Variants in NLGN4X observed in about 807,000 individuals in gnomAD.
NLGN4X encodes neuroligin-4, X-linked.
NLGN4X carries 3 observed loss-of-function variants against 40.3 expected under a neutral mutation model. The ratio of observed to expected loss-of-function variants is 0.07; its 90% confidence interval spans 0.03 to 0.19. The LOEUF is 0.19. Among genes scored for constraint, NLGN4X ranks in the 10% least tolerant of loss-of-function variants. The pLI, the probability that NLGN4X is intolerant of heterozygous loss-of-function variation, is 1.00. For synonymous variants in NLGN4X, 270 were observed against 306.8 expected, an observed-to-expected ratio of 0.88 and a Z score of 1.25; for missense variants, 382 against 708.3, an observed-to-expected ratio of 0.54 and a Z score of 5.23.
chrX:6,044,950 C>A (rs1265639516), intron 2 of NLGN4X, among the ~76,000 whole-genome samples: 2 of 112,183 alleles, frequency 1.8e-5, no homozygotes, highest in African/African-American at 6.5e-5. Context: ...GATGCAGTTT[C>A]TTTATTACAG....
intron 2 of NLGN4X, among the ~76,000 whole-genome samples, chrX:6,118,682 C>T (rs936333401): frequency 4.5e-5 from 5 of 111,746 alleles, no homozygotes; most frequent in African/African-American, 1.6e-4. Flanking sequence ...GCTCATTCTC[C>T]AACCAGAACT....
At chrX:6,087,540 A>T (rs906522095) in intron 2 of NLGN4X, among the ~76,000 whole-genome samples, 1 of 112,026 alleles carries the variant, frequency 8.9e-6, no homozygotes, top group African/African-American at 3.2e-5. Flanking sequence ...TGATGAGAAA[A>T]ATTTCAGTTG....
chrX:6,126,410 T>C (rs1463820478), intron 2 of NLGN4X, among the ~76,000 whole-genome samples: 2 of 111,162 alleles, frequency 1.8e-5, no homozygotes, highest in East Asian at 5.6e-4. Context: ...AGAGAGAAAA[T>C]GGTCATTATT....
intron 2 of NLGN4X, among the ~76,000 whole-genome samples, chrX:6,030,918 G>A (rs376083158): frequency 1.3e-4 from 14 of 111,549 alleles, no homozygotes; most frequent in East Asian, 1.1e-3. Context: ...CATTACCAGC[G>A]GTTGCCTAGT....
chrX:6,162,686 T>C (rs1295586018), intron 1 of NLGN4X, among the ~76,000 whole-genome samples: 3 of 111,468 alleles, frequency 2.7e-5, no homozygotes, highest in Non-Finnish European at 3.8e-5. Flanking sequence ...GTCCTATTAG[T>C]TCTGTTCCTC....
Position 6,228,546 on chromosome X carries a change from C to G in NLGN4X, c.-311G>C, listed in dbSNP as rs991139906. ...GGTCTTAAAACTGCACCTACCTTAGCTTTGGAAGAGCTGCATCGGCCGTTA... is the reference window on the plus strand; with the variant it reads ...GGTCTTAAAACTGCACCTACCTTAGGTTTGGAAGAGCTGCATCGGCCGTTA... On this transcript the variant is annotated 5_prime_UTR_variant, in exon 1 of 6. Coordinates refer to ENST00000381095, the MANE Select transcript of NLGN4X (RefSeq NM_181332.3). The G allele has an allele frequency of 3.6e-5, 4 of 111,648 alleles. No homozygotes were observed. The highest frequency in any genetic ancestry group is 7.5e-5 in the Non-Finnish European group (4 of 53,197). The allele number at this position is 111,648 out of a possible 1,213,427, so 9.2% of individuals were successfully genotyped here.
intron 3 of NLGN4X, among the ~76,000 whole-genome samples, chrX:5,972,762 G>A (rs2035062465): frequency 1.0e-5 from 1 of 99,419 alleles, no homozygotes; most frequent in South Asian, 5.6e-4. Flanking sequence ...GGTGGGGGGC[G>A]GGGGCGGGGT....
At chrX:6,146,229 A>G (rs749571438) in intron 2 of NLGN4X, among the ~76,000 whole-genome samples, 1 of 112,434 alleles carries the variant, frequency 8.9e-6, no homozygotes, top group South Asian at 3.7e-4. Context: ...TAGTAACAAC[A>G]GCAACGATTG....
chrX:5,984,630 A>G (rs1422106631), intron 3 of NLGN4X, among the ~76,000 whole-genome samples: 1 of 112,221 alleles, frequency 8.9e-6, no homozygotes, highest in East Asian at 2.8e-4. Flanking sequence ...GGATATAGAC[A>G]AACTATCTGC....
chrX:5,977,392 T>C (rs1424777839), intron 3 of NLGN4X, among the ~76,000 whole-genome samples: 1 of 109,630 alleles, frequency 9.1e-6, no homozygotes, highest in Non-Finnish European at 1.9e-5. Context: ...GGCTAATTTT[T>C]CATTTTTTTT....
At chrX:6,122,602 A>C (rs1245778086) in intron 2 of NLGN4X, among the ~76,000 whole-genome samples, 2 of 110,238 alleles carry the variant, frequency 1.8e-5, no homozygotes, top group Non-Finnish European at 3.8e-5. Flanking sequence ...CCTCAAGAAA[A>C]TAAAAGAACT....
intron 2 of NLGN4X, among the ~76,000 whole-genome samples, chrX:6,031,708 T>C (rs1267728573): frequency 9.1e-6 from 1 of 109,774 alleles, no homozygotes; most frequent in Non-Finnish European, 1.9e-5. Context: ...ATGGGAAAAA[T>C]GTGCTTTTAG....
At chrX:6,175,144 T>C (rs1266308119) in intron 1 of NLGN4X, among the ~76,000 whole-genome samples, 1 of 111,647 alleles carries the variant, frequency 9.0e-6, no homozygotes, top group African/African-American at 3.3e-5. Flanking sequence ...AACCTGGATA[T>C]AGAGAAACAC....
chrX:5,900,765 C>T (rs1268015811), intron 5 of NLGN4X, among the ~76,000 whole-genome samples: 3 of 107,350 alleles, frequency 2.8e-5, no homozygotes, highest in Non-Finnish European at 5.8e-5. Context: ...TTTGTAGAGA[C>T]GGACTCTCAC....
chrX:6,135,016 G>C (rs2039781111), intron 2 of NLGN4X, among the ~76,000 whole-genome samples: 1 of 112,626 alleles, frequency 8.9e-6, no homozygotes, highest in Non-Finnish European at 1.9e-5. Flanking sequence ...CCCCAAATTG[G>C]CTTATCCTTC....
At chrX:6,088,148 T>C (rs2038543655) in intron 2 of NLGN4X, among the ~76,000 whole-genome samples, 1 of 112,647 alleles carries the variant, frequency 8.9e-6, no homozygotes, top group Admixed American at 9.4e-5. Flanking sequence ...TGGCCAAAAA[T>C]GTCAACGAAA....
intron 1 of NLGN4X, among the ~76,000 whole-genome samples, chrX:6,185,317 T>C (rs1039789644): frequency 3.6e-5 from 4 of 111,802 alleles, no homozygotes; most frequent in African/African-American, 1.3e-4. Flanking sequence ...GACCAAGACT[T>C]AGAAACACAA....
Position 6,042,685 on chromosome X carries a change from TTATATATATATATATATATATATA to T in NLGN4X, c.473-13277_473-13254del, listed in dbSNP as rs749649054. On this transcript the variant is annotated intron_variant, in intron 2 of 5. Coordinates refer to ENST00000381095, the MANE Select transcript of NLGN4X (RefSeq NM_181332.3). The stretch of plus-strand genomic sequence containing the variant: ...AAAACCTAACATACCCATAGAGGTT[TTATATATATATATATATATATATA>T]TATATATATATATATATATATACAC... Among the ~76,000 whole-genome samples the T allele has an allele frequency of 2.1e-3, 59 of 28,417 alleles. 1 individual carries two copies. Among genetic ancestry groups the T allele is most frequent in the African/African-American group, 7.1e-3 (51 of 7,195 alleles). The allele number at this position is 28,417 out of a possible 115,157, so 24.7% of individuals were successfully genotyped here. A position where few individuals can be genotyped will look rare whatever the true frequency, so the allele number is the denominator to read the frequency against.
chrX:6,076,213 G>A (rs2038192316), intron 2 of NLGN4X, among the ~76,000 whole-genome samples: 2 of 112,439 alleles, frequency 1.8e-5, no homozygotes, highest in Admixed American at 1.9e-4. Flanking sequence ...TCTTCAGACA[G>A]GTGAGACAGG....
Sources: gnomAD v4.1 joint callset for allele counts (sites outside exome capture counted in the v4.1 genomes callset) on GRCh38, gnomAD v4.1.1 for gene constraint, MANE v1.5 for transcripts, NCBI Gene and HGNC (gene_info 2026-07-23, HGNC 2026-07-21) for gene names.